Variants in ANKRD28 observed in about 807,000 individuals in gnomAD.
The protein encoded by ANKRD28 is ankyrin repeat domain 28, also known as serine/threonine-protein phosphatase 6 regulatory ankyrin repeat subunit A.
A neutral mutation model predicts 126.5 loss-of-function variants in ANKRD28; 44 were observed. That is an observed-to-expected ratio of 0.35 (90% CI 0.27 to 0.45). The LOEUF is 0.45. Ranked by LOEUF, ANKRD28 falls within the 20% of genes least tolerant of loss-of-function variation. The pLI is 1.00. For missense variants in ANKRD28, 1,110 were observed against 1,316.6 expected (o/e 0.84, Z 2.43); for synonymous variants, 442 against 468.5 (o/e 0.94, Z 0.73).
At chr3:15,746,293 CA>C (rs1433207229) in intron 4 of ANKRD28, among the ~76,000 whole-genome samples, 1 of 152,092 alleles carries the variant, frequency 6.6e-6, no homozygotes. Context: ...TTCTGGTTCT[CA>C]GGGGGAATGC....
At chr3:15,826,069 C>T (rs1402018768) in intron 1 of ANKRD28, among the ~76,000 whole-genome samples, 1 of 152,080 alleles carries the variant, frequency 6.6e-6, no homozygotes, top group Non-Finnish European at 1.5e-5. Flanking sequence ...TATGACCCAG[C>T]AATTTTACCT....
At chr3:15,741,528 A>AT (rs1201176208) in intron 4 of ANKRD28, among the ~76,000 whole-genome samples, 7 of 151,834 alleles carry the variant, frequency 4.6e-5, no homozygotes, top group Non-Finnish European at 1.0e-4. Flanking sequence ...GTGTGTCTTG[A>AT]TTTTTTTTAA....
At chr3:15,822,102 T>C (rs1223113208) in intron 1 of ANKRD28, among the ~76,000 whole-genome samples, 1 of 152,202 alleles carries the variant, frequency 6.6e-6, no homozygotes, top group African/African-American at 2.4e-5. Flanking sequence ...CACATGCGTG[T>C]CCAGGACTGG....
intron 8 of ANKRD28, among the ~76,000 whole-genome samples, chr3:15,716,625 T>C (rs1004379621): frequency 1.3e-5 from 2 of 151,814 alleles, no homozygotes; most frequent in African/African-American, 4.8e-5. Context: ...AAACATAGAT[T>C]CCATTGATAA....
intron 1 of ANKRD28, among the ~76,000 whole-genome samples, chr3:15,850,204 A>AAAATAT (rs1486394619): frequency 2.4e-4 from 13 of 54,828 alleles, no homozygotes; most frequent in South Asian, 1.3e-3. Flanking sequence ...AAAAAAAAAA[A>AAAATAT]ATATATATAT....
chr3:15,737,340 A>G, intron 4 of ANKRD28, 107 bp from the exon 5 acceptor site: 1 of 951,148 alleles, frequency 1.1e-6, no homozygotes, highest in Non-Finnish European at 1.5e-6. Context: ...ACATATGAAG[A>G]AAATAAAAAA....
intron 4 of ANKRD28, 125 bp from the exon 5 acceptor site, chr3:15,737,358 T>C (rs1165162172): frequency 7.5e-6 from 6 of 795,104 alleles, no homozygotes; most frequent in South Asian, 3.9e-5. Context: ...AAAGCTCTCA[T>C]AGAACTCACT....
chr3:15,673,701 C>T (rs983103200), intron 27 of ANKRD28, among the ~76,000 whole-genome samples: 13 of 151,912 alleles, frequency 8.6e-5, no homozygotes, highest in Non-Finnish European at 1.6e-4. Context: ...AAACAGGTGA[C>T]GAATTTAGTC....
At chr3:15,674,196 A>AAAAAAAAAAAAAAAAAAC (rs1470515364) in intron 27 of ANKRD28, among the ~76,000 whole-genome samples, 1 of 130,082 alleles carries the variant, frequency 7.7e-6, no homozygotes. Context: ...AAAAAAAAAA[A>AAAAAAAAAAAAAAAAAAC]AAGAAGAAGA....
chr3:15,705,261 T>C (rs1030121152), intron 14 of ANKRD28, among the ~76,000 whole-genome samples: 6 of 152,344 alleles, frequency 3.9e-5, no homozygotes, highest in Middle Eastern at 3.4e-3. Flanking sequence ...GAAAAGTAGA[T>C]TGGCTTACAA....
chr3:15,744,966 G>A (rs1383314594), intron 4 of ANKRD28, among the ~76,000 whole-genome samples: 3 of 152,042 alleles, frequency 2.0e-5, no homozygotes, highest in Non-Finnish European at 4.4e-5. Flanking sequence ...TCGCTTTGTG[G>A]TTTTGATTTA....
chr3:15,737,899 TAAA>T (rs34999182), intron 4 of ANKRD28, among the ~76,000 whole-genome samples: 9 of 144,334 alleles, frequency 6.2e-5, no homozygotes, highest in African/African-American at 5.1e-5. Context: ...TCAATTTCAT[TAAA>T]AAAAAAAAAA....
intron 1 of ANKRD28, among the ~76,000 whole-genome samples, chr3:15,837,323 C>G (rs2061347135): frequency 6.6e-6 from 1 of 152,164 alleles, no homozygotes; most frequent in South Asian, 2.1e-4. Context: ...CTATAGAAGA[C>G]TCTGCCCAAC....
At chr3:15,828,366 T>C (rs1366581440) in intron 1 of ANKRD28, among the ~76,000 whole-genome samples, 1 of 151,892 alleles carries the variant, frequency 6.6e-6, no homozygotes, top group Non-Finnish European at 1.5e-5. Context: ...CTTTGGGAGG[T>C]GGGCAGAAAC....
upstream of ANKRD28, among the ~76,000 whole-genome samples, chr3:15,802,036 T>C (rs772230164): frequency 6.6e-6 from 1 of 152,210 alleles, no homozygotes; most frequent in African/African-American, 2.4e-5. Context: ...CAGAGATCTG[T>C]ATTTTGTGTC....
chr3:15,737,521 A>G (rs9757300), intron 4 of ANKRD28, among the ~76,000 whole-genome samples: 1 of 13,074 alleles, frequency 7.6e-5, no homozygotes, highest in Non-Finnish European at 1.4e-4. Context: ...AAAATGTGCA[A>G]GAGAGCAATC....
In ANKRD28 at chr3:15,812,874, TA is replaced by T. The variant is rs541244140; in HGVS notation, c.28-17569del. 3.1e-3 allele frequency among the ~76,000 whole-genome samples: 470 copies of T among 152,242 alleles called. 1 individual carries two copies. Among genetic ancestry groups the T allele is most frequent in the East Asian group, 0.023 (118 of 5,192 alleles). On this transcript the variant is annotated intron_variant, in intron 1 of 27. Coordinates refer to the ANKRD28 transcript ENST00000399451. The surrounding 1 kb of genome is among the most constrained non-coding windows in gnomAD (Gnocchi z 4.1). ...TAAAGATTCACAATCAGAGATTTCA[TA>T]AAGAATTCAGAATTTCTAAAAGGAA...
At chr3:15,736,659 C>A (rs1482196184) in intron 5 of ANKRD28, among the ~76,000 whole-genome samples, 1 of 152,166 alleles carries the variant, frequency 6.6e-6, no homozygotes, top group African/African-American at 2.4e-5. Flanking sequence ...AAAGTATTAT[C>A]TTGACTAAAT....
In ANKRD28 at chr3:15,853,967, G is replaced by A. The variant is rs73817148; in HGVS notation, c.27+5410C>T. Among the ~76,000 whole-genome samples, 13 of 152,110 alleles carry A rather than the reference G, an allele frequency of 8.5e-5. No individual in the cohort carries two copies. In the East Asian group the frequency reaches 1.2e-3, roughly 14 times the overall value. The stretch of plus-strand genomic sequence containing the variant: ...CTTTTGCCTAGTACTTAATGTTCTC[G>A]ATCTGTACTAAAATATTTTACGTAT... On this transcript the variant is annotated intron_variant, in intron 1 of 27. Transcript: ENST00000399451. This position sits in a 1 kb window ranked among gnomAD's most constrained non-coding sequence, Gnocchi z 4.2.
Sources: gnomAD v4.1 joint callset for allele counts (sites outside exome capture counted in the v4.1 genomes callset) on GRCh38, gnomAD v4.1.1 for gene constraint, Gnocchi (gnomAD v3.1) non-coding constraint, MANE v1.5 for transcripts, NCBI Gene and HGNC (gene_info 2026-07-23, HGNC 2026-07-21) for gene names.